The following ZFP2 variants were observed in gnomAD, a reference collection of about 807,000 sequenced individuals.
ZFP2 encodes the protein ZFP2 zinc finger protein, also known as zinc finger protein ZFP2.
In ZFP2, 33 loss-of-function variants were observed where a neutral mutation model predicts 36.1. The ratio of observed to expected loss-of-function variants is 0.92; its 90% CI spans 0.69 to 1.22. ZFP2 has a LOEUF of 1.22. Among genes scored for constraint, ZFP2 ranks in the 50% most tolerant of loss-of-function variants. ZFP2 has a pLI of 0.00. For missense variants in ZFP2, 522 were observed against 551.4 expected (o/e 0.95, Z 0.53); for synonymous variants, 170 against 178.0 (o/e 0.96, Z 0.36).
chr5:178,908,662 G>T (rs970147862), intron 1 of ZFP2, among the ~76,000 whole-genome samples: 3 of 144,216 alleles, frequency 2.1e-5, no homozygotes, highest in African/African-American at 7.7e-5. Context: ...AGAAATGGCA[G>T]GCTTATTCTA....
chr5:178,926,458 C>T (rs1177430577), intron 4 of ZFP2, among the ~76,000 whole-genome samples: 3 of 151,936 alleles, frequency 2.0e-5, no homozygotes, highest in Non-Finnish European at 2.9e-5. Context: ...AGTTGGCTGG[C>T]TGACCCCTGT....
At position 178,932,820 on chromosome 5, in the gene ZFP2, T is replaced by G. The variant is rs1581846399; in HGVS notation, c.*121T>G. The G allele has an allele frequency of 8.0e-7, 1 of 1,249,140 alleles. No homozygotes were observed. The highest frequency in any genetic ancestry group is 2.5e-5 in the East Asian group (1 of 40,160). The allele number at this position is 1,249,140 out of a possible 1,614,324, so 77.4% of individuals were successfully genotyped here. A position where few individuals can be genotyped will look rare whatever the true frequency, so the allele number is the denominator to read the frequency against. ...GGAATCTTTCAGTTGAAGTACAATA[T>G]GTCATATCAGATAATACCACTGCAG... On this transcript the variant is annotated 3_prime_UTR_variant, in exon 5 of 5. Transcript: ENST00000361362.
rs1415901944 is a variant in ZFP2 at position 178,905,926 on chromosome 5, CT to C, written c.-449-6652del. On this transcript the variant is annotated intron_variant, in intron 1 of 4. Transcript: ENST00000361362. ...ACTACCACGCCCAGCCAATTTTTGT[CT>C]TTTTTGTAGAGACAAGGTTTCGTCA... Among the ~76,000 whole-genome samples, 4 of 151,958 alleles carry C rather than the reference CT, an allele frequency of 2.6e-5. No individual in the cohort carries two copies. The East Asian group carries it at 7.8e-4, about 29-fold the overall frequency.
At position 178,908,987 on chromosome 5, in the gene ZFP2, C is replaced by T. The variant is rs117812337; in HGVS notation, c.-449-3597C>T. The stretch of plus-strand genomic sequence containing the variant: ...AAGTTTAGTGCTAAAGGGTGGAAGG[C>T]TGCCCTGCCGCACCGTTATCTAAGC... On this transcript the variant is annotated intron_variant, in intron 1 of 4. Transcript: ENST00000361362. 7.6e-3 allele frequency among the ~76,000 whole-genome samples: 1,124 copies of T among 148,026 alleles called. 72 individuals carry two copies. The East Asian group carries it at 0.12, about 16-fold the overall frequency.
chr5:178,923,189 G>A (rs1336681480), intron 4 of ZFP2, among the ~76,000 whole-genome samples: 1 of 149,340 alleles, frequency 6.7e-6, no homozygotes, highest in Admixed American at 6.7e-5. Flanking sequence ...ATCATTTGGA[G>A]GCATTTAAAT....
intron 4 of ZFP2, among the ~76,000 whole-genome samples, chr5:178,923,374 A>T (rs1359271438): frequency 1.3e-5 from 2 of 149,408 alleles, no homozygotes; most frequent in Admixed American, 6.7e-5. Context: ...ACCTCATATG[A>T]GTTGAATCAT....
chr5:178,899,034 C>T (rs1388439980), intron 1 of ZFP2, among the ~76,000 whole-genome samples: 4 of 152,056 alleles, frequency 2.6e-5, no homozygotes, highest in Non-Finnish European at 5.9e-5. Flanking sequence ...CCAGTTTATC[C>T]GTATTCCAAG....
intron 4 of ZFP2, among the ~76,000 whole-genome samples, chr5:178,920,555 T>C (rs1758537954): frequency 6.6e-6 from 1 of 151,866 alleles, no homozygotes; most frequent in South Asian, 2.1e-4. Flanking sequence ...GAGAATCGCT[T>C]GAACCCGGGA....
chr5:178,913,023 C>A lies in ZFP2; in HGVS notation c.-272C>A. 15 of 985,844 alleles carry A rather than the reference C, an allele frequency of 1.5e-5. No homozygotes were observed. In the South Asian group the frequency reaches 7.0e-4, roughly 46 times the overall value. The allele number at this position is 985,844 out of a possible 1,614,324, so 61.1% of individuals were successfully genotyped here. A position where few individuals can be genotyped will look rare whatever the true frequency, so the allele number is the denominator to read the frequency against. ...ACCCAATGGGACTTCCCAGCTGGAA[C>A]GAGAACTGAGTCTGATGCAAAAAGA... is the stretch of plus-strand genomic sequence containing the variant. On this transcript the variant is annotated 5_prime_UTR_variant, in exon 3 of 5. Coordinates refer to ENST00000361362, the MANE Select transcript of ZFP2 (RefSeq NM_030613.4).
intron 4 of ZFP2, among the ~76,000 whole-genome samples, chr5:178,927,072 T>G (rs1758689951): frequency 6.6e-6 from 1 of 152,180 alleles, no homozygotes; most frequent in Non-Finnish European, 1.5e-5. Context: ...GAAAGCTGAT[T>G]CTCAGGTTGC....
At chr5:178,896,999 T>TTGAA (rs1757958659) in intron 1 of ZFP2, among the ~76,000 whole-genome samples, 1 of 152,128 alleles carries the variant, frequency 6.6e-6, no homozygotes, top group Non-Finnish European at 1.5e-5. Context: ...ATGTGTCGTA[T>TTGAA]TGAATCCTCT....
chr5:178,931,479 A>C lies in ZFP2; in HGVS notation c.166A>C (p.Ser56Arg), dbSNP rs747057162. ...AGGTAATGAATTTGAAAGATGTTCCAGTCAGGATTCAATCCTTGATACACA... is the reference window on the plus strand; with the variant it reads ...AGGTAATGAATTTGAAAGATGTTCCCGTCAGGATTCAATCCTTGATACACA... ...CGGNEFERCSSQDSILDTQQS... is the reference protein window; with the variant it reads ...CGGNEFERCSRQDSILDTQQS... Residue 56 changes from serine (S) to arginine (R), a missense_variant, in exon 5 of 5, where the codon AGT (serine) becomes CGT (arginine). Coordinates refer to ENST00000361362, the MANE Select transcript of ZFP2 (RefSeq NM_030613.4). 3 of 1,614,092 alleles carry C rather than the reference A, an allele frequency of 1.9e-6. No individual in the cohort carries two copies. In the South Asian group the frequency reaches 3.3e-5, roughly 18 times the overall value.
intron 4 of ZFP2, among the ~76,000 whole-genome samples, chr5:178,930,123 A>T (rs1214868550): frequency 1.3e-5 from 2 of 151,834 alleles, no homozygotes; most frequent in African/African-American, 2.4e-5. Flanking sequence ...AACCATTCAT[A>T]AGAAACCACT....
chr5:178,904,777 A>C (rs942028379), intron 1 of ZFP2, among the ~76,000 whole-genome samples: 1 of 135,128 alleles, frequency 7.4e-6, no homozygotes, highest in African/African-American at 2.8e-5. Context: ...ATTTTGGCTC[A>C]CTGCAACCTC....
intron 4 of ZFP2, among the ~76,000 whole-genome samples, chr5:178,924,267 G>A (rs138800665): frequency 0.015 from 2,253 of 147,660 alleles, 104 homozygotes; most frequent in African/African-American, 0.052. Context: ...CAGCTACTCG[G>A]GAGGCTGAGG....
intron 1 of ZFP2, among the ~76,000 whole-genome samples, chr5:178,905,504 A>G (rs1225067468): frequency 2.0e-5 from 3 of 152,166 alleles, no homozygotes; most frequent in Non-Finnish European, 4.4e-5. Context: ...TCCTTATTCT[A>G]TTTGATATGC....
At position 178,932,285 on chromosome 5, in the gene ZFP2, A is replaced by G; in HGVS notation, c.972A>G (p.Lys324=). ...ATCAGAGACTTCATTCTGGAGTAAA[A>G]CCTTTTGAATGTAACGAGTGTGGAA... ...IEHQRLHSGV[K]PFECNECGKA... The change falls in exon 5 of 5, where the codon AAA becomes AAG. Residue 324 remains lysine (K), a synonymous_variant. Coordinates refer to ENST00000361362, the MANE Select transcript of ZFP2 (RefSeq NM_030613.4). 1 of 1,614,176 alleles carries G rather than the reference A, an allele frequency of 6.2e-7. No homozygotes were observed. Among genetic ancestry groups the G allele is most frequent in the Non-Finnish European group, 8.5e-7 (1 of 1,180,024 alleles).
intron 1 of ZFP2, among the ~76,000 whole-genome samples, chr5:178,899,914 G>A (rs1395303266): frequency 2.0e-5 from 3 of 152,118 alleles, no homozygotes; most frequent in Non-Finnish European, 4.4e-5. Flanking sequence ...TTAGAGACCA[G>A]TTTAAAGAAA....
intron 1 of ZFP2, among the ~76,000 whole-genome samples, chr5:178,897,042 C>T (rs202092510): frequency 6.1e-5 from 9 of 147,778 alleles, no homozygotes; most frequent in South Asian, 4.3e-4. Context: ...TTTCTTTTTT[C>T]TTTTTTTTTT....
Sources: allele counts gnomAD v4.1 joint callset (sites outside exome capture counted in the v4.1 genomes callset), GRCh38; gene constraint gnomAD v4.1.1; transcripts MANE v1.5; gene names NCBI Gene and HGNC (gene_info 2026-07-23, HGNC 2026-07-21).